The following CPE variants were observed in gnomAD, a reference collection of about 807,000 sequenced individuals.
CPE encodes the protein carboxypeptidase E.
Under a neutral mutation model 53.5 loss-of-function variants are expected in CPE, and 17 were observed. The ratio of observed to expected loss-of-function variants is 0.32; its 90% CI spans 0.22 to 0.48. The LOEUF (loss-of-function observed/expected upper bound fraction) is 0.48, where lower values mean the gene tolerates loss of function less well. Ranked by LOEUF, CPE falls within the 20% of genes least tolerant of loss-of-function variation. The probability of loss-of-function intolerance (pLI) is 0.99; values close to 1 mark genes in which losing one functional copy is unlikely to be tolerated. For synonymous variants in CPE, 226 were observed against 228.8 expected (o/e 0.99, Z 0.11); for missense variants, 524 against 614.7 (o/e 0.85, Z 1.56).
At chr4:165,452,019 CT>C (rs1462723093) in intron 1 of CPE, among the ~76,000 whole-genome samples, 1 of 151,934 alleles carries the variant, frequency 6.6e-6, no homozygotes, top group African/African-American at 2.4e-5. Flanking sequence ...TAAAAGTGCC[CT>C]GTTTGTCTGG....
chr4:165,439,336 G>C (rs1289434440), intron 1 of CPE, among the ~76,000 whole-genome samples: 5 of 152,134 alleles, frequency 3.3e-5, no homozygotes, highest in African/African-American at 1.2e-4. Flanking sequence ...AAAGAGAAAT[G>C]GATAAGGTAG....
At chr4:165,485,130 C>A (rs754717461) in intron 5 of CPE, among the ~76,000 whole-genome samples, 1 of 152,086 alleles carries the variant, frequency 6.6e-6, no homozygotes, top group Non-Finnish European at 1.5e-5. Flanking sequence ...GCCTTTTAGT[C>A]TGAAAAGGAA....
intron 7 of CPE, 105 bp from the exon 8 acceptor site, chr4:165,495,454 A>G (rs1476026550): frequency 1.2e-5 from 8 of 656,824 alleles, no homozygotes; most frequent in Non-Finnish European, 2.1e-5. Flanking sequence ...GAATCAAAAA[A>G]GGTGAACTGA....
At chr4:165,424,724 C>T (rs1426021114) in intron 1 of CPE, among the ~76,000 whole-genome samples, 1 of 151,406 alleles carries the variant, frequency 6.6e-6, no homozygotes, top group African/African-American at 2.4e-5. Context: ...TTAGTAGAGA[C>T]GGGGTTTCAC....
At chr4:165,423,292 T>C (rs1419593436) in intron 1 of CPE, among the ~76,000 whole-genome samples, 1 of 152,168 alleles carries the variant, frequency 6.6e-6, no homozygotes, top group African/African-American at 2.4e-5. Flanking sequence ...GTTTCCAGGT[T>C]GACTTTTCCT....
At chr4:165,462,329 T>C (rs1299495053) in intron 1 of CPE, among the ~76,000 whole-genome samples, 1 of 152,184 alleles carries the variant, frequency 6.6e-6, no homozygotes, top group Non-Finnish European at 1.5e-5. Context: ...TGTTTCTTCT[T>C]TAATTGATTA....
At chr4:165,412,413 ATTCTAG>A (rs1369812877) in intron 1 of CPE, among the ~76,000 whole-genome samples, 1 of 152,224 alleles carries the variant, frequency 6.6e-6, no homozygotes, top group African/African-American at 2.4e-5. Context: ...ACCAGGAAAA[ATTCTAG>A]TTGCTGGAAA....
At chr4:165,486,379 G>A (rs904852898) in intron 5 of CPE, among the ~76,000 whole-genome samples, 4 of 152,098 alleles carry the variant, frequency 2.6e-5, no homozygotes, top group Non-Finnish European at 5.9e-5. Context: ...GCTATTTGAA[G>A]TATTGTTATC....
intron 1 of CPE, among the ~76,000 whole-genome samples, chr4:165,425,580 A>G (rs1481023263): frequency 6.6e-6 from 1 of 152,178 alleles, no homozygotes; most frequent in Non-Finnish European, 1.5e-5. Context: ...ATATTTTGGC[A>G]AATTTACTAG....
intron 1 of CPE, among the ~76,000 whole-genome samples, chr4:165,436,631 T>G (rs980059084): frequency 3.9e-5 from 6 of 152,102 alleles, no homozygotes; most frequent in Non-Finnish European, 8.8e-5. Flanking sequence ...TTCCAAAAAC[T>G]TTTTGGAAGA....
chr4:165,380,044 C>T (rs1225703816), intron 1 of CPE, among the ~76,000 whole-genome samples: 1 of 152,158 alleles, frequency 6.6e-6, no homozygotes, highest in Non-Finnish European at 1.5e-5. Context: ...CATGTTTTCT[C>T]TAATTTCCAG....
At chr4:165,485,677 G>T (rs992341778) in intron 5 of CPE, among the ~76,000 whole-genome samples, 4 of 152,172 alleles carry the variant, frequency 2.6e-5, no homozygotes, top group Admixed American at 2.0e-4. Flanking sequence ...ATAGTGTATT[G>T]TCAACAAAAT....
chr4:165,404,458 C>A, intron 1 of CPE: 3 of 771,632 alleles, frequency 3.9e-6, no homozygotes, highest in Middle Eastern at 3.3e-4. Flanking sequence ...AAAAGCCCTT[C>A]CCAGACTGGC....
At chr4:165,444,687 CT>C (rs1245601801) in intron 1 of CPE, among the ~76,000 whole-genome samples, 1 of 152,070 alleles carries the variant, frequency 6.6e-6, no homozygotes, top group Admixed American at 6.6e-5. Context: ...CAGCCATATT[CT>C]TCCTCCCTGC....
At chr4:165,410,221 C>A (rs115547888) in intron 1 of CPE, among the ~76,000 whole-genome samples, 1,619 of 147,972 alleles carry the variant, frequency 0.011, 30 homozygotes, top group African/African-American at 0.039. Flanking sequence ...TGCCCTGTAA[C>A]CTGACAGAGG....
intron 1 of CPE, among the ~76,000 whole-genome samples, chr4:165,390,257 C>T (rs796835667): frequency 1.4e-4 from 21 of 152,180 alleles, no homozygotes; most frequent in African/African-American, 5.1e-4. Context: ...CTAGGCTGGT[C>T]GTGTTTCTTG....
At chr4:165,473,311 A>T (rs1008658419) in intron 3 of CPE, among the ~76,000 whole-genome samples, 4 of 127,518 alleles carry the variant, frequency 3.1e-5, no homozygotes, top group Non-Finnish European at 6.6e-5. Flanking sequence ...TCTGTTCTTT[A>T]TAATCTGCCT....
At position 165,405,178 on chromosome 4, in the gene CPE, A is replaced by G. The variant is rs954880694; in HGVS notation, c.307+25650A>G. ...CTTGTTGCTGTCCTCAGCCTAACCC[A>G]GTGAGTGTGGCATCTTTAAGTATAG... On this transcript the variant is annotated intron_variant, in intron 1 of 8. Transcript: ENST00000402744. 8 of 775,920 alleles carry G rather than the reference A, an allele frequency of 1.0e-5. No individual in the cohort carries two copies. The African/African-American group carries it at 1.4e-4, about 13-fold the overall frequency. 48.1% of individuals were successfully genotyped at this position (775,920 alleles called of 1,614,324 possible).
chr4:165,422,061 T>C (rs1359713019), intron 1 of CPE, among the ~76,000 whole-genome samples: 1 of 152,188 alleles, frequency 6.6e-6, no homozygotes, highest in South Asian at 2.1e-4. Context: ...ATCTGAGAAG[T>C]TTTAAAATAA....
Sources: allele counts gnomAD v4.1 joint callset (sites outside exome capture counted in the v4.1 genomes callset), GRCh38; gene constraint gnomAD v4.1.1; transcripts MANE v1.5; gene names NCBI Gene and HGNC (gene_info 2026-07-23, HGNC 2026-07-21).